The following DOCK4 variants were observed in gnomAD, a reference collection of about 807,000 sequenced individuals.
DOCK4 encodes the protein dedicator of cytokinesis 4.
Under a neutral mutation model 268.1 loss-of-function variants are expected in DOCK4, and 97 were observed. That is an observed-to-expected ratio of 0.36 (90% CI 0.31 to 0.43). The LOEUF (loss-of-function observed/expected upper bound fraction) is 0.43, where lower values mean the gene tolerates loss of function less well. Among genes scored for constraint, DOCK4 ranks in the 20% least tolerant of loss-of-function variants. The pLI is 1.00. For missense variants in DOCK4, 2,145 were observed against 2,455.7 expected, an observed-to-expected ratio of 0.87 and a Z score of 2.67; for synonymous variants, 954 against 887.2, an observed-to-expected ratio of 1.08 and a Z score of -1.34.
chr7:111,938,066 A>C (rs1034895847), intron 11 of DOCK4, among the ~76,000 whole-genome samples: 4 of 152,238 alleles, frequency 2.6e-5, no homozygotes, highest in African/African-American at 9.6e-5. Context: ...CATGGATTTA[A>C]GCTTAACCAC....
In DOCK4 at chr7:111,843,006, GA is replaced by G. The variant is rs113850594; in HGVS notation, c.2736+1756del. On this transcript the variant is annotated intron_variant, in intron 25 of 52. Coordinates refer to ENST00000428084, the MANE Select transcript of DOCK4 (RefSeq NM_001363540.2). ...ATATAGAAATGTCTTGGTCATAAGA[GA>G]AAATAACACATCCTATCAAGAACTA... is the stretch of plus-strand genomic sequence containing the variant. Among the ~76,000 whole-genome samples the G allele has an allele frequency of 8.5e-5, 13 of 152,240 alleles. 2 individuals are homozygous for G. The highest frequency in any genetic ancestry group is 3.1e-4 in the African/African-American group (13 of 41,536).
At chr7:111,983,262 C>T (rs1270003041) in intron 7 of DOCK4, among the ~76,000 whole-genome samples, 2 of 152,146 alleles carry the variant, frequency 1.3e-5, no homozygotes, top group Non-Finnish European at 2.9e-5. Context: ...TGAAATTTTC[C>T]TCCACATTTT....
chr7:111,843,563 G>A (rs1048290442), intron 25 of DOCK4, among the ~76,000 whole-genome samples: 1 of 152,066 alleles, frequency 6.6e-6, no homozygotes, highest in Non-Finnish European at 1.5e-5. Flanking sequence ...CCAAAAAAAC[G>A]GGTAACACCA....
intron 12 of DOCK4, among the ~76,000 whole-genome samples, chr7:111,929,313 T>G (rs538590769): frequency 1.3e-5 from 2 of 152,134 alleles, no homozygotes; most frequent in East Asian, 3.9e-4. Context: ...GCAAATGAAA[T>G]GTAGTATAAT....
At position 112,206,265 on chromosome 7, in the gene DOCK4, G is replaced by GCAGATC; in HGVS notation, c.-128_-127insGATCTG. On this transcript the variant is annotated 5_prime_UTR_variant, in exon 1 of 53. Coordinates refer to ENST00000428084, the MANE Select transcript of DOCK4 (RefSeq NM_001363540.2). ...CAGCGGCTTCGCGCGGGCTGCGGGC[G>GCAGATC]CTGGGCAGGATCTGCGCTGGAGGCT... 1 of 1,088,382 alleles carries GCAGATC rather than the reference G, an allele frequency of 9.2e-7. No individual in the cohort carries two copies. Among genetic ancestry groups the GCAGATC allele is most frequent in the Non-Finnish European group, 1.3e-6 (1 of 745,820 alleles). 67.4% of individuals were successfully genotyped at this position (1,088,382 alleles called of 1,614,324 possible).
intron 16 of DOCK4, among the ~76,000 whole-genome samples, chr7:111,878,304 T>G (rs1462478226): frequency 6.6e-6 from 1 of 152,190 alleles, no homozygotes; most frequent in Non-Finnish European, 1.5e-5. Flanking sequence ...TTGACTAAAT[T>G]CCACATGAGA....
intron 42 of DOCK4, among the ~76,000 whole-genome samples, chr7:111,749,175 C>A (rs1206533052): frequency 6.6e-6 from 1 of 152,076 alleles, no homozygotes; most frequent in African/African-American, 2.4e-5. Context: ...TGTTTCTTTA[C>A]CTGAATGGTG....
chr7:111,756,115 A>G (rs111511517), intron 41 of DOCK4, among the ~76,000 whole-genome samples: 2,709 of 152,212 alleles, frequency 0.018, 36 homozygotes, highest in Middle Eastern at 0.044. Context: ...TTGGGAGGCC[A>G]AGGCAGGCAG....
At chr7:112,130,485 T>TAATA (rs1256906576) in intron 1 of DOCK4, among the ~76,000 whole-genome samples, 1 of 152,184 alleles carries the variant, frequency 6.6e-6, no homozygotes, top group Non-Finnish European at 1.5e-5. Flanking sequence ...CCAATAAGTA[T>TAATA]AATAATGTGA....
intron 1 of DOCK4, among the ~76,000 whole-genome samples, chr7:112,151,254 A>G (rs1816040650): frequency 2.0e-5 from 3 of 152,150 alleles, no homozygotes; most frequent in African/African-American, 7.2e-5. Flanking sequence ...CAGTAGCTAC[A>G]TTAGCCTCTT....
At chr7:111,766,974 G>C in intron 38 of DOCK4, 58 bp downstream of exon 38, 1 of 1,357,118 alleles carries the variant, frequency 7.4e-7, no homozygotes, top group Non-Finnish European at 1.0e-6. Context: ...GAACCACACT[G>C]GAAAGCTAAT....
intron 1 of DOCK4, among the ~76,000 whole-genome samples, chr7:112,139,988 C>G (rs1814743176): frequency 6.6e-6 from 1 of 152,086 alleles, no homozygotes; most frequent in Non-Finnish European, 1.5e-5. Context: ...ATTTTAGTTA[C>G]CATACAGCTC....
Position 112,002,878 on chromosome 7 carries a change from C to A in DOCK4, c.121+1170G>T, listed in dbSNP as rs577080386. Among the ~76,000 whole-genome samples, 12 of 151,816 alleles carry A rather than the reference C, an allele frequency of 7.9e-5. No homozygotes were observed. The South Asian group carries it at 2.5e-3, about 32-fold the overall frequency. On this transcript the variant is annotated intron_variant, in intron 2 of 52. Transcript: ENST00000428084. ...CAGCCTGGCCAACATGGTGAAATCC[C>A]ATCTCTACTAAAAATACAAAAAATT...
At chr7:111,933,003 T>C (rs572060402) in intron 12 of DOCK4, among the ~76,000 whole-genome samples, 7 of 151,514 alleles carry the variant, frequency 4.6e-5, no homozygotes, top group Non-Finnish European at 1.0e-4. Context: ...ACTATCTTAC[T>C]GAGGGGGTAT....
chr7:111,958,322 CCATCTTA>C (rs1386780536), intron 8 of DOCK4, among the ~76,000 whole-genome samples: 2 of 152,134 alleles, frequency 1.3e-5, no homozygotes, highest in Non-Finnish European at 2.9e-5. Flanking sequence ...TAATGTTGAA[CCATCTTA>C]CAACACAAAT....
At chr7:111,970,831 G>A (rs993252058) in intron 8 of DOCK4, among the ~76,000 whole-genome samples, 7 of 152,174 alleles carry the variant, frequency 4.6e-5, no homozygotes, top group African/African-American at 1.2e-4. Context: ...GCAGGATGCC[G>A]TGGGAATGGG....
intron 12 of DOCK4, among the ~76,000 whole-genome samples, chr7:111,933,614 T>C (rs1794455915): frequency 6.6e-6 from 1 of 151,956 alleles, no homozygotes; most frequent in Non-Finnish European, 1.5e-5. Context: ...AATTGTTTTG[T>C]GGGAAAAGAG....
At chr7:112,094,740 G>A (rs543690949) in intron 1 of DOCK4, among the ~76,000 whole-genome samples, 2 of 152,248 alleles carry the variant, frequency 1.3e-5, no homozygotes, top group East Asian at 3.9e-4. Context: ...CCCCAGTGTT[G>A]GAGGTGGGGC....
chr7:111,756,399 C>T (rs570549210), intron 41 of DOCK4, among the ~76,000 whole-genome samples: 41 of 152,012 alleles, frequency 2.7e-4, no homozygotes, highest in Non-Finnish European at 4.3e-4. Context: ...AGCAATGTGA[C>T]TTGCTCAAAA....
Sources: allele counts gnomAD v4.1 joint callset (sites outside exome capture counted in the v4.1 genomes callset), GRCh38; gene constraint gnomAD v4.1.1; transcripts MANE v1.5; gene names NCBI Gene and HGNC (gene_info 2026-07-23, HGNC 2026-07-21).